ADIPOQ: variants seen among roughly 807,000 people sequenced by gnomAD.
ADIPOQ encodes adiponectin, C1Q and collagen domain containing.
Under a neutral mutation model 16.1 loss-of-function variants are expected in ADIPOQ, and 19 were observed. The observed-to-expected ratio is 1.18, with a 90% CI of 0.82 to 1.73. The LOEUF (loss-of-function observed/expected upper bound fraction) is 1.73. ADIPOQ is among the 40% of genes most tolerant of loss of function. The pLI is 0.00. For missense variants in ADIPOQ, 323 were observed against 308.3 expected, an observed-to-expected ratio of 1.05 and a Z score of -0.36; for synonymous variants, 124 against 125.5, an observed-to-expected ratio of 0.99 and a Z score of 0.08.
rs746486453 is a variant in ADIPOQ, at chr3:186,845,756, G to C, written c.-9+3007G>C. The C allele has an allele frequency of 2.6e-5, 4 of 152,124 alleles. No homozygotes were observed. The East Asian group carries it at 7.7e-4, about 29-fold the overall frequency. 9.4% of individuals were successfully genotyped at this position (152,124 alleles called of 1,614,324 possible). A position where few individuals can be genotyped will look rare whatever the true frequency, so the allele number is the denominator to read the frequency against. On this transcript the variant is annotated intron_variant, in intron 1 of 2. Coordinates refer to ENST00000320741, the MANE Select transcript of ADIPOQ (RefSeq NM_004797.4). ...GCATCGTTCCCTCTCCAAGTCTCAG[G>C]TTCTCCTACACGTTAGAGTCAAAAG...
chr3:186,846,523 C>T (rs987874847), intron 1 of ADIPOQ, among the ~76,000 whole-genome samples: 2 of 152,052 alleles, frequency 1.3e-5, no homozygotes, highest in African/African-American at 2.4e-5. Context: ...TGTGAGCTAC[C>T]GTGCCTGGCC....
chr3:186,851,083 G>A (rs1432938180), intron 1 of ADIPOQ, among the ~76,000 whole-genome samples: 6 of 152,030 alleles, frequency 3.9e-5, no homozygotes, highest in East Asian at 1.9e-4. Flanking sequence ...TGCCAATCAC[G>A]GTCTTTCTTC....
rs1450749463 is a variant in ADIPOQ, at chr3:186,854,827, C to G, written c.*123C>G. 11 of 1,333,222 alleles carry G rather than the reference C, an allele frequency of 8.3e-6. No homozygotes were observed. The highest frequency in any genetic ancestry group is 2.9e-5 in the African/African-American group (2 of 68,834). The allele number at this position is 1,333,222 out of a possible 1,614,324, so 82.6% of individuals were successfully genotyped here. ...CCTTTAGATATTATTCATTCATTTA[C>G]TCATTCATTTATTCATTCATTCATC... On this transcript the variant is annotated 3_prime_UTR_variant, in exon 3 of 3. Coordinates refer to ENST00000320741, the MANE Select transcript of ADIPOQ (RefSeq NM_004797.4).
chr3:186,850,490 T>C (rs1019296654), intron 1 of ADIPOQ, among the ~76,000 whole-genome samples: 1 of 152,142 alleles, frequency 6.6e-6, no homozygotes, highest in East Asian at 1.9e-4. Flanking sequence ...AAAATGTGCA[T>C]ACCTTTTGGT....
In ADIPOQ at chr3:186,854,403, G is replaced by C. The variant is rs1418713475; in HGVS notation, c.434G>C (p.Gly145Ala). ...IFYNQQNHYD[G>A]STGKFHCNIP... Reference sequence around the variant, plus strand: ...TACAATCAGCAAAACCACTATGATGGCTCCACTGGTAAATTCCACTGCAAC... The same window carrying C: ...TACAATCAGCAAAACCACTATGATGCCTCCACTGGTAAATTCCACTGCAAC... The change falls in exon 3 of 3, where the codon GGC becomes GCC. Residue 145 changes from glycine (G) to alanine (A), a missense_variant. Transcript: ENST00000320741. 6.2e-7 allele frequency: 1 copy of C among 1,614,156 alleles called. No homozygotes were observed. The highest frequency in any genetic ancestry group is 8.5e-7 in the Non-Finnish European group (1 of 1,180,034).
Position 186,854,355 on chromosome 3 carries a change from C to T in ADIPOQ, c.386C>T (p.Pro129Leu). 1.2e-6 allele frequency: 2 copies of T among 1,614,136 alleles called. No individual in the cohort carries two copies. Among genetic ancestry groups the T allele is most frequent in the Non-Finnish European group, 1.7e-6 (2 of 1,180,016 alleles). ...ACTTACGTTACTATCCCCAACATGC[C>T]CATTCGCTTTACCAAGATCTTCTAC... ...LETYVTIPNMPIRFTKIFYNQ... is the reference protein window; with the variant it reads ...LETYVTIPNMLIRFTKIFYNQ... Residue 129 changes from proline (P) to leucine (L), a missense_variant, in exon 3 of 3, where the codon CCC (proline) becomes CTC (leucine). Pro to Leu is a moderately conservative substitution (Grantham distance 98). Coordinates refer to ENST00000320741, the MANE Select transcript of ADIPOQ (RefSeq NM_004797.4).
At chr3:186,846,280 C>G (rs112796861) in intron 1 of ADIPOQ, among the ~76,000 whole-genome samples, 2,547 of 150,506 alleles carry the variant, frequency 0.017, 85 homozygotes, top group African/African-American at 0.06. Context: ...GAGTCTTGCT[C>G]TGTCACCCAG....
At chr3:186,846,607 G>A (rs993253858) in intron 1 of ADIPOQ, among the ~76,000 whole-genome samples, 4 of 152,170 alleles carry the variant, frequency 2.6e-5, no homozygotes, top group Middle Eastern at 3.4e-3. Context: ...TCCCCCACAC[G>A]GCTCTGCCTC....
chr3:186,848,572 T>A (rs182500109), intron 1 of ADIPOQ, among the ~76,000 whole-genome samples: 20 of 152,232 alleles, frequency 1.3e-4, no homozygotes, highest in African/African-American at 4.3e-4. Context: ...TTATGTGAGA[T>A]GAGGAACATG....
chr3:186,849,938 C>T (rs114490183), intron 1 of ADIPOQ, among the ~76,000 whole-genome samples: 243 of 152,150 alleles, frequency 1.6e-3, no homozygotes, highest in African/African-American at 5.6e-3. Flanking sequence ...AAATTGAATA[C>T]TTACTAAATC....
chr3:186,845,793 G>T, intron 1 of ADIPOQ, among the ~76,000 whole-genome samples: 1 of 152,196 alleles, frequency 6.6e-6, no homozygotes, highest in Non-Finnish European at 1.5e-5. Flanking sequence ...AGGGCTATGG[G>T]AAGATTAAGT....
intron 1 of ADIPOQ, 35 bp from the exon 2 acceptor site, chr3:186,853,016 C>T (rs747636727): frequency 3.7e-6 from 6 of 1,611,204 alleles, no homozygotes; most frequent in East Asian, 4.5e-5. Context: ...TGGGGTCTGT[C>T]TCTCCATGGC....
Position 186,857,859 on chromosome 3 carries a change from C to T in ADIPOQ, c.*3155C>T, listed in dbSNP as rs199681016. On this transcript the variant is annotated 3_prime_UTR_variant, in exon 3 of 3. Coordinates refer to ENST00000320741, the MANE Select transcript of ADIPOQ (RefSeq NM_004797.4). ...ATAATTTTCTGTGTTCTGAAGTCTA[C>T]TTTGTCTAAAAATAACATACGCACT... The T allele has an allele frequency of 4.6e-5, 7 of 152,262 alleles. No individual in the cohort carries two copies. Among genetic ancestry groups the T allele is most frequent in the African/African-American group, 1.4e-4 (6 of 41,542 alleles). 9.4% of individuals were successfully genotyped at this position (152,262 alleles called of 1,614,324 possible).
In ADIPOQ at chr3:186,854,747, A is replaced by C. The variant is rs760763719; in HGVS notation, c.*43A>C. The C allele has an allele frequency of 6.2e-7, 1 of 1,606,212 alleles. No individual in the cohort carries two copies. The highest frequency in any genetic ancestry group is 8.5e-7 in the Non-Finnish European group (1 of 1,173,878). On this transcript the variant is annotated 3_prime_UTR_variant, in exon 3 of 3. Transcript: ENST00000320741. ...CCTCCTCCAGGCCAAACAGCCCCAA[A>C]GTCAATTAAAGGCTTTCAGTACGGT...
intron 1 of ADIPOQ, chr3:186,845,572 A>G (rs2108487840): frequency 6.6e-6 from 1 of 152,100 alleles, no homozygotes; most frequent in African/African-American, 2.4e-5. Context: ...GGATTTCACC[A>G]TGTTGTCCAG....
intron 1 of ADIPOQ, chr3:186,851,869 TACTTGAG>T (rs36219762): frequency 0.4 from 61,097 of 153,418 alleles, 12,248 homozygotes; most frequent in East Asian, 0.45. Context: ...TGTAAAAAAC[TACTTGAG>T]ACTGGGTAAT....
rs1318761989 is a variant in ADIPOQ at position 186,857,948 on chromosome 3, T to C, written c.*3244T>C. ...TCCTTTCTTTCTCTCTCTCTCTCTT[T>C]CCTTCCTTCCTTCCTCCTTTTCTTT... On this transcript the variant is annotated 3_prime_UTR_variant, in exon 3 of 3. Transcript: ENST00000320741. The C allele has an allele frequency of 1.3e-5, 2 of 150,630 alleles. No individual in the cohort carries two copies. The highest frequency in any genetic ancestry group is 4.9e-5 in the African/African-American group (2 of 41,072). The allele number at this position is 150,630 out of a possible 1,614,324, so 9.3% of individuals were successfully genotyped here. A position where few individuals can be genotyped will look rare whatever the true frequency, so the allele number is the denominator to read the frequency against.
intron 1 of ADIPOQ, chr3:186,851,755 C>G (rs1319478262): frequency 6.6e-6 from 1 of 152,084 alleles, no homozygotes; most frequent in Non-Finnish European, 1.5e-5. Context: ...GTCTTTGTCC[C>G]CTGGTACTTG....
intron 1 of ADIPOQ, among the ~76,000 whole-genome samples, chr3:186,843,696 C>A (rs931894993): frequency 2.6e-4 from 39 of 150,100 alleles, no homozygotes; most frequent in African/African-American, 9.3e-4. Context: ...GAAAAAGAGG[C>A]TCTAATGAGA....
Sources: allele counts gnomAD v4.1 joint callset (sites outside exome capture counted in the v4.1 genomes callset), GRCh38; gene constraint gnomAD v4.1.1; transcripts MANE v1.5; gene names NCBI Gene and HGNC (gene_info 2026-07-23, HGNC 2026-07-21).